Variants in IL1RAPL1 observed in about 807,000 individuals in gnomAD.
IL1RAPL1 encodes interleukin-1 receptor accessory protein-like 1.
Under a neutral mutation model 48.4 loss-of-function variants are expected in IL1RAPL1, and 3 were observed. That is an observed-to-expected ratio of 0.06 (90% confidence interval 0.03 to 0.16). IL1RAPL1 has a LOEUF of 0.16. Ranked by LOEUF, IL1RAPL1 falls within the 10% of genes least tolerant of loss-of-function variation. The probability of loss-of-function intolerance (pLI) is 1.00; values close to 1 mark genes in which losing one functional copy is unlikely to be tolerated. For synonymous variants in IL1RAPL1, 185 were observed against 187.7 expected (o/e 0.99, Z 0.12); for missense variants, 349 against 530.6 (o/e 0.66, Z 3.36).
At chrX:29,570,225 CA>C (rs1411129170) in intron 5 of IL1RAPL1, among the ~76,000 whole-genome samples, 2 of 112,200 alleles carry the variant, frequency 1.8e-5, no homozygotes, top group African/African-American at 6.5e-5. Flanking sequence ...TTTTTATTAT[CA>C]AAAATAGCTG....
chrX:29,050,632 T>C lies in IL1RAPL1; in HGVS notation c.83-232306T>C, dbSNP rs144453572. On this transcript the variant is annotated intron_variant, in intron 2 of 10. Transcript: ENST00000378993. Reference sequence around the variant, plus strand: ...TCGGTCACACCAAATTTCTGGAAGATGTTAGCTGTTAGTTTTACTTAACTG... The same window carrying C: ...TCGGTCACACCAAATTTCTGGAAGACGTTAGCTGTTAGTTTTACTTAACTG... 6.2e-3 allele frequency among the ~76,000 whole-genome samples: 701 copies of C among 112,362 alleles called. 8 individuals carry two copies. Among genetic ancestry groups the C allele is most frequent in the African/African-American group, 0.022 (669 of 30,955 alleles).
intron 2 of IL1RAPL1, among the ~76,000 whole-genome samples, chrX:28,832,544 C>G (rs1488729125): frequency 9.0e-6 from 1 of 111,045 alleles, no homozygotes; most frequent in Non-Finnish European, 1.9e-5. Context: ...AGTAGAAGAG[C>G]TGGAAAATCC....
At chrX:29,728,252 C>G (rs1044005256) in intron 6 of IL1RAPL1, among the ~76,000 whole-genome samples, 17 of 111,752 alleles carry the variant, frequency 1.5e-4, no homozygotes, top group Admixed American at 4.7e-4. Context: ...ACTATTCTTT[C>G]TTTTCTTTAC....
chrX:29,450,243 G>A (rs964003329), intron 5 of IL1RAPL1, among the ~76,000 whole-genome samples: 1 of 111,923 alleles, frequency 8.9e-6, no homozygotes, highest in Non-Finnish European at 1.9e-5. Context: ...ATTCTGAGAT[G>A]GCTTCAGTGT....
At chrX:29,319,160 G>GCCTGTCTGTCTGTCTATCTA (rs1555990506) in intron 3 of IL1RAPL1, among the ~76,000 whole-genome samples, 1 of 84,988 alleles carries the variant, frequency 1.2e-5, no homozygotes, top group Non-Finnish European at 2.2e-5. Flanking sequence ...CTATCTGTCT[G>GCCTGTCTGTCTGTCTATCTA]TCTATCTATC....
chrX:29,215,713 G>A (rs1930854700), intron 2 of IL1RAPL1, among the ~76,000 whole-genome samples: 1 of 111,632 alleles, frequency 9.0e-6, no homozygotes, highest in African/African-American at 3.3e-5. Flanking sequence ...GATTTCTTGA[G>A]GCTATGTCTT....
chrX:28,623,981 G>A (rs903536170), intron 1 of IL1RAPL1, among the ~76,000 whole-genome samples: 4 of 111,823 alleles, frequency 3.6e-5, no homozygotes, highest in Non-Finnish European at 5.6e-5. Flanking sequence ...ACAGGCTTAA[G>A]CTGTTTCCCT....
At chrX:28,745,841 C>T (rs967602106) in intron 1 of IL1RAPL1, among the ~76,000 whole-genome samples, 1 of 111,692 alleles carries the variant, frequency 9.0e-6, no homozygotes, top group African/African-American at 3.2e-5. Flanking sequence ...AAAACTAATG[C>T]ATTTCTACAT....
At chrX:29,523,600 C>T (rs964299480) in intron 5 of IL1RAPL1, among the ~76,000 whole-genome samples, 1 of 111,829 alleles carries the variant, frequency 8.9e-6, no homozygotes, top group African/African-American at 3.2e-5. Context: ...ATTATATACA[C>T]TTTTAAGGTT....
intron 7 of IL1RAPL1, among the ~76,000 whole-genome samples, chrX:29,918,144 A>AAAAAAT (rs1555935868): frequency 8.4e-5 from 2 of 23,765 alleles, no homozygotes; most frequent in Non-Finnish European, 1.3e-4. Flanking sequence ...AAAAAAAAAA[A>AAAAAAT]ATATATATAT....
chrX:28,993,076 T>C (rs1038108864), intron 2 of IL1RAPL1, among the ~76,000 whole-genome samples: 11 of 112,111 alleles, frequency 9.8e-5, no homozygotes, highest in African/African-American at 2.9e-4. Context: ...ATTTGAAAAT[T>C]ATGCTGTGAT....
intron 2 of IL1RAPL1, among the ~76,000 whole-genome samples, chrX:29,179,327 G>T (rs1352273578): frequency 9.0e-6 from 1 of 111,298 alleles, no homozygotes; most frequent in East Asian, 2.8e-4. Context: ...TTGTAAGTTG[G>T]ATTCCTAGGT....
chrX:29,844,499 T>A (rs1479326987), intron 6 of IL1RAPL1, among the ~76,000 whole-genome samples: 2 of 111,490 alleles, frequency 1.8e-5, no homozygotes, highest in African/African-American at 6.5e-5. Flanking sequence ...TATATGGAAA[T>A]ACAGTCGACC....
intron 1 of IL1RAPL1, among the ~76,000 whole-genome samples, chrX:28,601,697 G>T (rs369666652): frequency 9.0e-6 from 1 of 110,717 alleles, no homozygotes; most frequent in East Asian, 2.9e-4. Context: ...CATTTTAAAA[G>T]ATCTGTCTTA....
chrX:29,799,001 G>T (rs889830260), intron 6 of IL1RAPL1, among the ~76,000 whole-genome samples: 21 of 111,506 alleles, frequency 1.9e-4, no homozygotes, highest in African/African-American at 6.9e-4. Context: ...TTATATATTT[G>T]CTTTTTTAGT....
intron 2 of IL1RAPL1, among the ~76,000 whole-genome samples, chrX:29,164,764 T>C (rs984471586): frequency 9.1e-6 from 1 of 110,214 alleles, no homozygotes; most frequent in African/African-American, 3.3e-5. Context: ...CCATTTTTTC[T>C]TTTTTTAAAA....
chrX:29,271,182 A>G (rs1446193192), intron 2 of IL1RAPL1, among the ~76,000 whole-genome samples: 2 of 111,711 alleles, frequency 1.8e-5, no homozygotes, highest in Non-Finnish European at 3.8e-5. Context: ...TGTTGCTGCA[A>G]AGGACATGAT....
chrX:28,659,332 A>G, intron 1 of IL1RAPL1: 2 of 554,394 alleles, frequency 3.6e-6, no homozygotes, highest in Non-Finnish European at 6.6e-6. Context: ...GAAGTGCCAC[A>G]GTACCAGGCC....
chrX:29,375,786 G>A (rs1409257135), intron 3 of IL1RAPL1, among the ~76,000 whole-genome samples: 1 of 112,044 alleles, frequency 8.9e-6, no homozygotes, highest in Non-Finnish European at 1.9e-5. Context: ...ATTCAGTCTT[G>A]GGAGATTGTG....
Sources: gnomAD v4.1 joint callset for allele counts (sites outside exome capture counted in the v4.1 genomes callset) on GRCh38, gnomAD v4.1.1 for gene constraint, MANE v1.5 for transcripts, NCBI Gene and HGNC (gene_info 2026-07-23, HGNC 2026-07-21) for gene names.